FGFR2: variants seen among roughly 807,000 people sequenced by gnomAD.
FGFR2 encodes the protein BEK fibroblast growth factor receptor.
In FGFR2, 19 loss-of-function variants were observed where a neutral mutation model predicts 95.9. The observed-to-expected ratio is 0.20, with a 90% CI of 0.14 to 0.29. The LOEUF is 0.29. Ranked by LOEUF, FGFR2 falls within the 10% of genes least tolerant of loss-of-function variation. The probability of loss-of-function intolerance (pLI) is 1.00; values close to 1 mark genes in which losing one functional copy is unlikely to be tolerated. For missense variants in FGFR2, 707 were observed against 1,056.9 expected (o/e 0.67, Z 4.59); for synonymous variants, 392 against 393.3 (o/e 1.00, Z 0.04).
intron 9 of FGFR2, among the ~76,000 whole-genome samples, chr10:121,511,350 T>C (rs1374401295): frequency 4.6e-5 from 7 of 152,140 alleles, no homozygotes; most frequent in African/African-American, 1.4e-4. Context: ...ATGTGCTCGA[T>C]GTAAAACTGA....
intron 12 of FGFR2, among the ~76,000 whole-genome samples, chr10:121,498,107 T>C (rs1177018380): frequency 6.6e-6 from 1 of 152,222 alleles, no homozygotes; most frequent in African/African-American, 2.4e-5. Context: ...AAGATGTGGA[T>C]TCTTCAATCC....
chr10:121,497,488 C>T lies in FGFR2; in HGVS notation c.1673-766G>A, dbSNP rs147588381. The stretch of plus-strand genomic sequence containing the variant: ...CCTGTTGGGCTTATAAAAACAAAAC[C>T]AGATCATTCCTTTTCACAGCTGCAT... On this transcript the variant is annotated intron_variant, in intron 12 of 17. Transcript: ENST00000358487. Among the ~76,000 whole-genome samples the T allele has an allele frequency of 1.6e-3, 248 of 152,264 alleles. 1 individual carries two copies. The highest frequency in any genetic ancestry group is 5.2e-3 in the African/African-American group (218 of 41,550).
chr10:121,583,026 C>G (rs1861183045), intron 2 of FGFR2, among the ~76,000 whole-genome samples: 1 of 152,178 alleles, frequency 6.6e-6, no homozygotes, highest in Non-Finnish European at 1.5e-5. Context: ...ATTCCCTGGC[C>G]TCTTTTTTTC....
chr10:121,525,846 C>T lies in FGFR2; in HGVS notation c.749-5677G>A, dbSNP rs550459316. Among the ~76,000 whole-genome samples, 37 of 152,194 alleles carry T rather than the reference C, an allele frequency of 2.4e-4. 1 individual carries two copies. Among genetic ancestry groups the T allele is most frequent in the Admixed American group, 2.3e-3 (35 of 15,292 alleles). On this transcript the variant is annotated intron_variant, in intron 6 of 17. Coordinates refer to ENST00000358487, the MANE Select transcript of FGFR2 (RefSeq NM_000141.5). ...GTCTACAGGCTCAGTAAACATGCAT[C>T]CCGGGGATCAGAAGGAGAACCAGGC...
At chr10:121,516,566 G>C (rs914250863) in intron 8 of FGFR2, among the ~76,000 whole-genome samples, 1 of 152,200 alleles carries the variant, frequency 6.6e-6, no homozygotes, top group Non-Finnish European at 1.5e-5. Context: ...AGTCTCTGCA[G>C]TTTCACAAAG....
intron 6 of FGFR2, among the ~76,000 whole-genome samples, chr10:121,534,316 C>T (rs1397790197): frequency 6.6e-6 from 1 of 151,966 alleles, no homozygotes; most frequent in Non-Finnish European, 1.5e-5. Flanking sequence ...TCAGGCTGGT[C>T]TTGAACTCCT....
At position 121,515,142 on chromosome 10, in the gene FGFR2, C is replaced by G; in HGVS notation, c.1262G>C (p.Arg421Pro). The change falls in exon 9 of 18, where the codon CGT (arginine) becomes CCT (proline). Residue 421 changes from arginine to proline, a missense_variant. Arg to Pro is a moderately radical substitution (Grantham distance 103, BLOSUM62 -2). Around this residue, in one of 7 missense-constraint regions of FGFR2, gnomAD observed 194 missense variants for 267.3 expected, o/e 0.73. Coordinates refer to ENST00000358487, the MANE Select transcript of FGFR2 (RefSeq NM_000141.5). ...SQPAVHKLTK[R>P]IPLRRQVTVS... ...TGTTACCTGTCTCCGCAGGGGGATA[C>G]GTTTGGTCAGCTTGTGCACAGCCGG... The G allele has an allele frequency of 6.2e-7, 1 of 1,614,132 alleles. No homozygotes were observed. Among genetic ancestry groups the G allele is most frequent in the Non-Finnish European group, 8.5e-7 (1 of 1,180,034 alleles).
chr10:121,581,107 A>G (rs1026316838), intron 2 of FGFR2, among the ~76,000 whole-genome samples: 3 of 152,248 alleles, frequency 2.0e-5, no homozygotes, highest in African/African-American at 7.2e-5. Context: ...AGAGATAGGA[A>G]GCAGGCTGAA....
intron 2 of FGFR2, among the ~76,000 whole-genome samples, chr10:121,570,309 T>C (rs1858441730): frequency 6.6e-6 from 1 of 152,206 alleles, no homozygotes; most frequent in Non-Finnish European, 1.5e-5. Context: ...GAGCCCTCCA[T>C]GTTCATCCCC....
chr10:121,532,859 C>T (rs987701012), intron 6 of FGFR2, among the ~76,000 whole-genome samples: 1 of 152,162 alleles, frequency 6.6e-6, no homozygotes, highest in Admixed American at 6.5e-5. Flanking sequence ...GATTCCTGTG[C>T]GCTTTCAGGC....
chr10:121,542,082 A>C (rs573379500), intron 5 of FGFR2, among the ~76,000 whole-genome samples: 40 of 152,266 alleles, frequency 2.6e-4, no homozygotes, highest in Non-Finnish European at 4.4e-4. Context: ...GTCTATAGTC[A>C]TAAAAAGAAT....
At chr10:121,596,216 T>A (rs1240819423) in intron 1 of FGFR2, among the ~76,000 whole-genome samples, 1 of 152,192 alleles carries the variant, frequency 6.6e-6, no homozygotes, top group African/African-American at 2.4e-5. Flanking sequence ...CTCCCTCTGA[T>A]GGATGGCTCT....
At chr10:121,519,632 C>A (rs996725048) in intron 7 of FGFR2, among the ~76,000 whole-genome samples, 1 of 152,214 alleles carries the variant, frequency 6.6e-6, no homozygotes, top group Non-Finnish European at 1.5e-5. Context: ...CCCATTTATT[C>A]TGCACAACCG....
At chr10:121,554,684 A>G (rs1193745113) in intron 4 of FGFR2, among the ~76,000 whole-genome samples, 1 of 151,874 alleles carries the variant, frequency 6.6e-6, no homozygotes, top group African/African-American at 2.4e-5. Flanking sequence ...ACTCTTTTAT[A>G]ATTTTACAAT....
intron 9 of FGFR2, among the ~76,000 whole-genome samples, chr10:121,511,840 G>C (rs1849094688): frequency 6.6e-6 from 1 of 152,150 alleles, no homozygotes; most frequent in South Asian, 2.1e-4. Context: ...TTCTTCTTTG[G>C]TACTGGAAAA....
intron 2 of FGFR2, among the ~76,000 whole-genome samples, chr10:121,577,723 C>T (rs1860148160): frequency 1.3e-5 from 2 of 152,098 alleles, no homozygotes; most frequent in Non-Finnish European, 2.9e-5. Flanking sequence ...GCACGTGTGG[C>T]TTTTCCCACC....
intron 4 of FGFR2, 105 bp from the exon 5 acceptor site, chr10:121,551,564 C>T: frequency 2.9e-6 from 3 of 1,048,106 alleles, no homozygotes; most frequent in Non-Finnish European, 4.3e-6. Context: ...AAATGCTAGG[C>T]TATTTTTTAA....
At chr10:121,532,311 G>C (rs1000749443) in intron 6 of FGFR2, among the ~76,000 whole-genome samples, 7 of 152,078 alleles carry the variant, frequency 4.6e-5, no homozygotes, top group Admixed American at 4.6e-4. Context: ...AACGTCTCTG[G>C]ACGTGCAGAA....
chr10:121,491,268 G>A (rs2133875414), intron 13 of FGFR2, among the ~76,000 whole-genome samples: 1 of 152,194 alleles, frequency 6.6e-6, no homozygotes, highest in East Asian at 1.9e-4. Flanking sequence ...TGAATAAGAG[G>A]AGACTTGGAA....
Sources: gnomAD v4.1 joint callset for allele counts (sites outside exome capture counted in the v4.1 genomes callset) on GRCh38, gnomAD v4.1.1 for gene constraint, gnomAD v4.1.1 regional missense constraint, MANE v1.5 for transcripts, NCBI Gene and HGNC (gene_info 2026-07-23, HGNC 2026-07-21) for gene names.